SPMIP2: variants seen among roughly 807,000 people sequenced by gnomAD.
The protein encoded by SPMIP2 is sperm microtubule inner protein 2.
At chr4:158,924,784 C>A in the SPMIP2 span, among the ~76,000 whole-genome samples, 1 of 151,172 alleles carries the variant, frequency 6.6e-6, no homozygotes, top group South Asian at 2.1e-4. Context: ...CGCTGAGACT[C>A]CAGGCATGTA....
the SPMIP2 span, among the ~76,000 whole-genome samples, chr4:159,023,008 G>A: frequency 2.1e-4 from 32 of 151,148 alleles, no homozygotes; most frequent in Non-Finnish European, 3.5e-4. Context: ...CCAGCTTGGC[G>A]ACAGAGCGAG....
At chr4:158,969,129 TTG>T in the SPMIP2 span, among the ~76,000 whole-genome samples, 1 of 152,232 alleles carries the variant, frequency 6.6e-6, no homozygotes, top group Non-Finnish European at 1.5e-5. Flanking sequence ...CAGTGTAACA[TTG>T]TTTCTGTGAG....
chr4:158,956,072 C>G, the SPMIP2 span, among the ~76,000 whole-genome samples: 2 of 152,026 alleles, frequency 1.3e-5, no homozygotes, highest in East Asian at 3.9e-4. Context: ...TTAAACTCTT[C>G]CTCTCAAAAT....
the SPMIP2 span, among the ~76,000 whole-genome samples, chr4:158,976,241 A>T: frequency 5.9e-5 from 9 of 152,198 alleles, no homozygotes; most frequent in Non-Finnish European, 1.3e-4. Flanking sequence ...AAAGAGAGAT[A>T]ATTTGACTTC....
At chr4:158,977,312 T>C in the SPMIP2 span, among the ~76,000 whole-genome samples, 6 of 152,132 alleles carry the variant, frequency 3.9e-5, no homozygotes, top group Non-Finnish European at 5.9e-5. Flanking sequence ...TTCTTCCTGG[T>C]TTAGTTTGGG....
At chr4:158,976,949 C>T in the SPMIP2 span, among the ~76,000 whole-genome samples, 108 of 152,066 alleles carry the variant, frequency 7.1e-4, no homozygotes, top group Middle Eastern at 0.01. Flanking sequence ...CATGAGCCAC[C>T]GCACCTAGCC....
the SPMIP2 span, among the ~76,000 whole-genome samples, chr4:159,027,657 C>T: frequency 5.9e-5 from 9 of 152,260 alleles, no homozygotes; most frequent in South Asian, 1.2e-3. Flanking sequence ...ATTATTTCTT[C>T]AAACAGGAAA....
At chr4:158,903,134 T>C in the SPMIP2 span, among the ~76,000 whole-genome samples, 1 of 152,224 alleles carries the variant, frequency 6.6e-6, no homozygotes, top group Non-Finnish European at 1.5e-5. Context: ...AAAGGGAATC[T>C]CCTGGTCTGT....
At chr4:158,939,743 C>T in the SPMIP2 span, among the ~76,000 whole-genome samples, 8 of 152,122 alleles carry the variant, frequency 5.3e-5, no homozygotes, top group East Asian at 5.8e-4. Flanking sequence ...TTTCGGAGGC[C>T]GAGATGAGTG....
At chr4:159,009,063 C>T in the SPMIP2 span, among the ~76,000 whole-genome samples, 1 of 152,154 alleles carries the variant, frequency 6.6e-6, no homozygotes, top group East Asian at 1.9e-4. Flanking sequence ...ACATTTCCAA[C>T]ATGGTCAATG....
the SPMIP2 span, among the ~76,000 whole-genome samples, chr4:159,080,681 T>TA: frequency 1.3e-5 from 2 of 152,230 alleles, no homozygotes; most frequent in African/African-American, 4.8e-5. Context: ...TACCTCTTTT[T>TA]AAAAAACAAC....
chr4:159,061,225 A>G, the SPMIP2 span, among the ~76,000 whole-genome samples: 2 of 152,000 alleles, frequency 1.3e-5, no homozygotes, highest in East Asian at 1.9e-4. Flanking sequence ...TTTGGCCTCT[A>G]TTGGAAAAAC....
the SPMIP2 span, among the ~76,000 whole-genome samples, chr4:158,972,846 C>T: frequency 2.0e-5 from 3 of 152,328 alleles, no homozygotes; most frequent in East Asian, 5.8e-4. Flanking sequence ...CAAACACAAA[C>T]GCTTTTGGAT....
At chr4:158,955,922 T>C in the SPMIP2 span, among the ~76,000 whole-genome samples, 1 of 152,250 alleles carries the variant, frequency 6.6e-6, no homozygotes, top group African/African-American at 2.4e-5. Context: ...GCCTGCATTA[T>C]GTCAGTAGAC....
the SPMIP2 span, among the ~76,000 whole-genome samples, chr4:159,013,131 CT>C: frequency 1.2e-4 from 18 of 152,134 alleles, no homozygotes; most frequent in African/African-American, 4.1e-4. Context: ...CTGTATGTTG[CT>C]GGTGAAAATG....
the SPMIP2 span, among the ~76,000 whole-genome samples, chr4:159,029,364 A>G: frequency 7.2e-5 from 11 of 152,230 alleles, no homozygotes; most frequent in African/African-American, 1.2e-4. Context: ...TCTTAATCTA[A>G]AAGTGCATAC....
At chr4:158,992,914 C>A in the SPMIP2 span, among the ~76,000 whole-genome samples, 2 of 152,206 alleles carry the variant, frequency 1.3e-5, no homozygotes, top group African/African-American at 2.4e-5. Context: ...AATTTCAACA[C>A]CTGAATTTGG....
At chr4:158,916,612 T>C in the SPMIP2 span, among the ~76,000 whole-genome samples, 1 of 123,504 alleles carries the variant, frequency 8.1e-6, no homozygotes, top group African/African-American at 3.1e-5. Flanking sequence ...TTGCTTTATG[T>C]ATGTACATAT....
chr4:158,976,251 C>A, the SPMIP2 span, among the ~76,000 whole-genome samples: 1 of 152,160 alleles, frequency 6.6e-6, no homozygotes, highest in African/African-American at 2.4e-5. Context: ...AATTTGACTT[C>A]CTCTCTTCCT....
Sources: gnomAD v4.1 joint callset for allele counts (sites outside exome capture counted in the v4.1 genomes callset) on GRCh38, gnomAD v4.1.1 for gene constraint, MANE v1.5 for transcripts, NCBI Gene and HGNC (gene_info 2026-07-23, HGNC 2026-07-21) for gene names.